The following PPP1R36 variants were observed in gnomAD, a reference collection of about 807,000 sequenced individuals.
PPP1R36 encodes protein phosphatase 1 regulatory subunit 36.
PPP1R36 carries 47 observed loss-of-function variants against 53.4 expected under a neutral mutation model. That is an observed-to-expected ratio of 0.88 (90% CI 0.70 to 1.12). The LOEUF is 1.12. PPP1R36 is among the 50% of genes most tolerant of loss of function. The pLI is 0.00. For missense variants in PPP1R36, 456 were observed against 513.9 expected (o/e 0.89, Z 1.09); for synonymous variants, 153 against 170.5 (o/e 0.90, Z 0.80).
chr14:64,568,254 CTTGTG>C (rs908629743), intron 6 of PPP1R36, 90 bp from the exon 7 acceptor site: 14 of 475,478 alleles, frequency 2.9e-5, no homozygotes, highest in South Asian at 4.8e-5. Flanking sequence ...TCTACTTATT[CTTGTG>C]TTGTGTGCTC....
chr14:64,563,879 T>C (rs1370003101), intron 3 of PPP1R36, among the ~76,000 whole-genome samples: 3 of 152,186 alleles, frequency 2.0e-5, no homozygotes, highest in South Asian at 2.1e-4. Context: ...AAATGTACTA[T>C]TTATAAGGCA....
Position 64,565,553 on chromosome 14 carries a change from C to A in PPP1R36, c.368-73C>A, listed in dbSNP as rs1326730304. The A allele has an allele frequency of 1.6e-5, 23 of 1,444,352 alleles. 1 individual carries two copies. In the East Asian group the frequency reaches 5.0e-4, roughly 31 times the overall value. The allele number at this position is 1,444,352 out of a possible 1,614,324, so 89.5% of individuals were successfully genotyped here. A position where few individuals can be genotyped will look rare whatever the true frequency, so the allele number is the denominator to read the frequency against. ...CGCCCATCTACATATAACATCCATA[C>A]ATAAACGTATCTTGTGTGACTCTCT... On this transcript the variant is annotated intron_variant, in intron 5 of 11. Coordinates refer to ENST00000298705, the MANE Select transcript of PPP1R36 (RefSeq NM_172365.3).
intron 3 of PPP1R36, among the ~76,000 whole-genome samples, chr14:64,562,455 C>CA (rs112608742): frequency 0.01 from 1,527 of 146,372 alleles, 16 homozygotes; most frequent in South Asian, 0.033. Context: ...GACTCAGTCT[C>CA]AAAAAAAAAA....
intron 3 of PPP1R36, among the ~76,000 whole-genome samples, chr14:64,563,390 G>T (rs1190247689): frequency 6.6e-6 from 1 of 150,690 alleles, no homozygotes; most frequent in East Asian, 1.9e-4. Context: ...CCAGTGATAA[G>T]AGCAGCACCA....
chr14:64,573,443 G>A (rs2080318097), intron 7 of PPP1R36, among the ~76,000 whole-genome samples: 1 of 152,152 alleles, frequency 6.6e-6, no homozygotes, highest in Non-Finnish European at 1.5e-5. Flanking sequence ...TAGTGACATA[G>A]GGAACGCAGG....
At chr14:64,557,098 C>T (rs1193540626) in intron 3 of PPP1R36, among the ~76,000 whole-genome samples, 3 of 152,064 alleles carry the variant, frequency 2.0e-5, no homozygotes, top group East Asian at 1.9e-4. Flanking sequence ...TCCCAAAGTA[C>T]TAGGATTACA....
chr14:64,587,258 T>C lies in PPP1R36; in HGVS notation c.776T>C (p.Ile259Thr). 1.9e-6 allele frequency: 3 copies of C among 1,613,692 alleles called. No individual in the cohort carries two copies. Among genetic ancestry groups the C allele is most frequent in the African/African-American group, 2.7e-5 (2 of 75,028 alleles). Residue 259 changes from isoleucine to threonine, a missense_variant, in exon 10 of 12, where the codon ATT (isoleucine) becomes ACT (threonine). Physicochemically the swap from Ile to Thr is moderately conservative, Grantham distance 89 (BLOSUM62 -1). Coordinates refer to ENST00000298705, the MANE Select transcript of PPP1R36 (RefSeq NM_172365.3). The part of the protein sequence containing the change: ...IVFRRQHLTE[I>T]EEEVGRLFRT... The stretch of plus-strand genomic sequence containing the variant: ...TTCCGACGTCAACACTTGACAGAGA[T>C]TGAAGAAGAAGTAGGGAGACTCTTT...
rs186465020 is a variant in PPP1R36, at chr14:64,565,541, A to G, written c.368-85A>G. On this transcript the variant is annotated intron_variant, in intron 5 of 11. Transcript: ENST00000298705. ...TACATAAACATCCGCCCATCTACAT[A>G]TAACATCCATACATAAACGTATCTT... 3.5e-6 allele frequency: 5 copies of G among 1,417,878 alleles called. No individual in the cohort carries two copies. The East Asian group carries it at 9.1e-5, about 26-fold the overall frequency. The allele number at this position is 1,417,878 out of a possible 1,614,324, so 87.8% of individuals were successfully genotyped here. A position where few individuals can be genotyped will look rare whatever the true frequency, so the allele number is the denominator to read the frequency against.
At chr14:64,580,437 AGTTC>A (rs1002178188) in intron 8 of PPP1R36, among the ~76,000 whole-genome samples, 34 of 152,270 alleles carry the variant, frequency 2.2e-4, no homozygotes, top group African/African-American at 8.2e-4. Flanking sequence ...AATATTTTTT[AGTTC>A]TCGGCATAGA....
At chr14:64,566,725 A>G (rs1446128404) in intron 6 of PPP1R36, among the ~76,000 whole-genome samples, 1 of 152,202 alleles carries the variant, frequency 6.6e-6, no homozygotes, top group Non-Finnish European at 1.5e-5. Flanking sequence ...CTCTGCACAC[A>G]CATACAGGCT....
At chr14:64,555,252 A>G (rs1465371715) in intron 3 of PPP1R36, among the ~76,000 whole-genome samples, 1 of 152,270 alleles carries the variant, frequency 6.6e-6, no homozygotes, top group Non-Finnish European at 1.5e-5. Context: ...TACAAAATAC[A>G]GTAATTGTCT....
At chr14:64,571,040 A>G (rs1285460546) in intron 7 of PPP1R36, among the ~76,000 whole-genome samples, 2 of 152,166 alleles carry the variant, frequency 1.3e-5, no homozygotes, top group African/African-American at 4.8e-5. Context: ...CCCACCAATC[A>G]ACTGCACTGT....
At chr14:64,556,425 AG>A (rs1397430564) in intron 3 of PPP1R36, among the ~76,000 whole-genome samples, 1 of 151,936 alleles carries the variant, frequency 6.6e-6, no homozygotes, top group Non-Finnish European at 1.5e-5. Flanking sequence ...TTTTGTTGCC[AG>A]TTTTACTTTT....
intron 6 of PPP1R36, among the ~76,000 whole-genome samples, 155 bp downstream of exon 6, chr14:64,565,847 C>A (rs1436777123): frequency 6.6e-6 from 1 of 152,000 alleles, no homozygotes; most frequent in African/African-American, 2.4e-5. Context: ...AGACTGCGAC[C>A]AAAGAGTCAG....
At position 64,550,012 on chromosome 14, in the gene PPP1R36, C is replaced by T; in HGVS notation, c.15C>T (p.Pro5=). The part of the protein sequence containing the change: MYRV[P]EFYARRKRLG... Reference sequence around the variant, plus strand: ...AGGGCGAGGCCATGTACCGGGTGCCCGAGTTTTATGCGAGGAGGAAGCGGT... The same window carrying T: ...AGGGCGAGGCCATGTACCGGGTGCCTGAGTTTTATGCGAGGAGGAAGCGGT... The change falls in exon 1 of 12, where the codon CCC becomes CCT. Residue 5 remains proline, a synonymous_variant. Transcript: ENST00000298705. 6.4e-7 allele frequency: 1 copy of T among 1,573,184 alleles called. No homozygotes were observed. Among genetic ancestry groups the T allele is most frequent in the Non-Finnish European group, 8.6e-7 (1 of 1,159,238 alleles).
At chr14:64,551,931 G>A (rs1407725022) in intron 2 of PPP1R36, among the ~76,000 whole-genome samples, 1 of 152,194 alleles carries the variant, frequency 6.6e-6, no homozygotes, top group Non-Finnish European at 1.5e-5. Flanking sequence ...TGATCCATTA[G>A]AAGACTAGTT....
Position 64,550,933 on chromosome 14 carries a change from C to G in PPP1R36, c.82C>G (p.Arg28Gly). 2 of 1,607,696 alleles carry G rather than the reference C, an allele frequency of 1.2e-6. No individual in the cohort carries two copies. The highest frequency in any genetic ancestry group is 1.7e-6 in the Non-Finnish European group (2 of 1,177,418). The change falls in exon 2 of 12, where the codon CGA (arginine) becomes GGA (glycine). Residue 28 changes from arginine (R) to glycine (G), a missense_variant. Coordinates refer to ENST00000298705, the MANE Select transcript of PPP1R36 (RefSeq NM_172365.3). ...TTTCGTTTTACAGCAGTTGGGATTA[C>G]GATTAGGGATGTGGTACTGGAAAGA... ...TPYLMDQLGLRLGMWYWKDET... is the reference protein window; with the variant it reads ...TPYLMDQLGLGLGMWYWKDET...
intron 1 of PPP1R36, among the ~76,000 whole-genome samples, chr14:64,550,493 A>T (rs1172157152): frequency 2.0e-5 from 3 of 152,218 alleles, no homozygotes; most frequent in African/African-American, 7.2e-5. Flanking sequence ...CCAGAACCAG[A>T]CAGCTGAGGC....
At chr14:64,585,319 C>A (rs994089799) in intron 8 of PPP1R36, among the ~76,000 whole-genome samples, 5 of 152,056 alleles carry the variant, frequency 3.3e-5, no homozygotes, top group African/African-American at 1.2e-4. Context: ...AGTTCGAGAC[C>A]AGCCTGGCCA....
Sources: allele counts gnomAD v4.1 joint callset (sites outside exome capture counted in the v4.1 genomes callset), GRCh38; gene constraint gnomAD v4.1.1; transcripts MANE v1.5; gene names NCBI Gene and HGNC (gene_info 2026-07-23, HGNC 2026-07-21).